RNGTT: variants seen among roughly 807,000 people sequenced by gnomAD.
RNGTT encodes the protein RNA guanylyltransferase and 5'-phosphatase.
RNGTT carries 33 observed loss-of-function variants against 79.3 expected under a neutral mutation model. The observed-to-expected ratio is 0.42, with a 90% CI of 0.32 to 0.56. The LOEUF (loss-of-function observed/expected upper bound fraction) is 0.56. RNGTT is among the 20% of genes least tolerant of loss of function. The pLI, the probability that RNGTT is intolerant of heterozygous loss-of-function variation, is 0.17. For synonymous variants in RNGTT, 222 were observed against 235.9 expected, an observed-to-expected ratio of 0.94 and a Z score of 0.54; for missense variants, 497 against 739.1, an observed-to-expected ratio of 0.67 and a Z score of 3.80.
intron 12 of RNGTT, among the ~76,000 whole-genome samples, chr6:88,770,402 C>CTTTAAAAATT (rs1350011646): frequency 1.3e-5 from 2 of 152,072 alleles, no homozygotes; most frequent in Non-Finnish European, 2.9e-5. Context: ...ATAAGAAATA[C>CTTTAAAAATT]TTTAAAAATA....
chr6:88,692,849 A>ATG (rs1435812691), intron 13 of RNGTT, among the ~76,000 whole-genome samples: 1 of 152,040 alleles, frequency 6.6e-6, no homozygotes, highest in Non-Finnish European at 1.5e-5. Flanking sequence ...ATATATATAT[A>ATG]TAAAAGAAAA....
rs527871447 is a variant in RNGTT, at chr6:88,610,336, C to T, written c.*2383G>A. The stretch of plus-strand genomic sequence containing the variant: ...CACAATTGGAAAAGGAATGTCCTGA[C>T]ATTTTCTGAGCATTTCACGGAAAGC... On this transcript the variant is annotated 3_prime_UTR_variant, in exon 16 of 16. Transcript: ENST00000369485. The T allele has an allele frequency of 6.5e-6, 1 of 152,788 alleles. No individual in the cohort carries two copies. The highest frequency in any genetic ancestry group is 1.9e-4 in the East Asian group (1 of 5,188). The allele number at this position is 152,788 out of a possible 1,614,324, so 9.5% of individuals were successfully genotyped here. A position where few individuals can be genotyped will look rare whatever the true frequency, so the allele number is the denominator to read the frequency against.
chr6:88,639,014 C>T (rs375531966), intron 14 of RNGTT, among the ~76,000 whole-genome samples: 1 of 152,012 alleles, frequency 6.6e-6, no homozygotes, highest in Non-Finnish European at 1.5e-5. Flanking sequence ...TTGACTGTTA[C>T]TCTGTTTTTT....
At chr6:88,701,696 T>C (rs2610736) in intron 13 of RNGTT, among the ~76,000 whole-genome samples, 13,051 of 152,132 alleles carry the variant, frequency 0.086, 1,915 homozygotes, top group African/African-American at 0.3. Context: ...TTAGGTCCCA[T>C]GATTATATTC....
At chr6:88,952,057 G>A (rs1165384725) in intron 1 of RNGTT, among the ~76,000 whole-genome samples, 1 of 152,092 alleles carries the variant, frequency 6.6e-6, no homozygotes, top group Non-Finnish European at 1.5e-5. Flanking sequence ...CTTACATTCA[G>A]GGGCAAGGTC....
chr6:88,887,777 C>T (rs1227225752), intron 8 of RNGTT, among the ~76,000 whole-genome samples: 1 of 151,992 alleles, frequency 6.6e-6, no homozygotes, highest in Non-Finnish European at 1.5e-5. Context: ...TATTATTTTG[C>T]CCAAAGCTTA....
chr6:88,800,073 G>A (rs887631440), intron 12 of RNGTT, among the ~76,000 whole-genome samples: 4 of 152,132 alleles, frequency 2.6e-5, no homozygotes, highest in Non-Finnish European at 5.9e-5. Flanking sequence ...GTTTGGCAAG[G>A]GGGGCTAGAA....
intron 12 of RNGTT, among the ~76,000 whole-genome samples, chr6:88,797,174 G>C (rs376944262): frequency 9.9e-5 from 15 of 152,036 alleles, no homozygotes; most frequent in Non-Finnish European, 1.8e-4. Context: ...AAACAGGGAG[G>C]CTTGATTTAT....
At chr6:88,802,361 T>C (rs971397996) in intron 11 of RNGTT, among the ~76,000 whole-genome samples, 1 of 152,206 alleles carries the variant, frequency 6.6e-6, no homozygotes, top group Admixed American at 6.5e-5. Flanking sequence ...GTTTTTTCAA[T>C]GCCATATCAA....
Position 88,835,978 on chromosome 6 carries a change from ACACACACACAC to A in RNGTT, c.1269+8368_1269+8378del, listed in dbSNP as rs1562277474. ...GCAAGACTCTGTCTCTATTAAAAAC[ACACACACACAC>A]ACACACACACACACACACACACACA... On this transcript the variant is annotated intron_variant, in intron 11 of 15. Coordinates refer to ENST00000369485, the MANE Select transcript of RNGTT (RefSeq NM_003800.5). 1.6e-4 allele frequency among the ~76,000 whole-genome samples: 9 copies of A among 57,730 alleles called. No homozygotes were observed. The South Asian group carries it at 3.9e-3, about 25-fold the overall frequency. The allele number at this position is 57,730 out of a possible 152,430, so 37.9% of individuals were successfully genotyped here.
In RNGTT at chr6:88,963,332, C is replaced by G; in HGVS notation, c.64+14G>C. On this transcript the variant is annotated intron_variant, in intron 1 of 15. Coordinates refer to ENST00000369485, the MANE Select transcript of RNGTT (RefSeq NM_003800.5). ...TGGAGTGTGGGGATTCGAACGCCCC[C>G]CAGTCCAGGTTACCTGCCACCGGCT... 1.2e-6 allele frequency: 2 copies of G among 1,612,144 alleles called. No homozygotes were observed. The highest frequency in any genetic ancestry group is 8.5e-7 in the Non-Finnish European group (1 of 1,179,082).
intron 11 of RNGTT, among the ~76,000 whole-genome samples, chr6:88,810,490 T>C (rs1780101414): frequency 6.6e-6 from 1 of 152,196 alleles, no homozygotes; most frequent in South Asian, 2.1e-4. Context: ...TCAGCAACGA[T>C]GATGGGCAGC....
At chr6:88,863,531 CG>C (rs1562291602) in intron 8 of RNGTT, among the ~76,000 whole-genome samples, 1 of 152,080 alleles carries the variant, frequency 6.6e-6, no homozygotes, top group African/African-American at 2.4e-5. Flanking sequence ...ATCAAAGTAC[CG>C]TGTGTGCTTA....
At chr6:88,938,411 T>G (rs1223625641) in intron 2 of RNGTT, among the ~76,000 whole-genome samples, 1 of 152,228 alleles carries the variant, frequency 6.6e-6, no homozygotes, top group Non-Finnish European at 1.5e-5. Context: ...ACTTTCAGTC[T>G]ATGTGTGTCT....
intron 13 of RNGTT, among the ~76,000 whole-genome samples, chr6:88,764,552 T>A (rs932403527): frequency 6.6e-6 from 1 of 152,236 alleles, no homozygotes; most frequent in African/African-American, 2.4e-5. Context: ...AGACATTGAA[T>A]ATTTCCAGTT....
chr6:88,919,287 T>C (rs937328365), intron 4 of RNGTT, among the ~76,000 whole-genome samples: 1 of 152,224 alleles, frequency 6.6e-6, no homozygotes, highest in Non-Finnish European at 1.5e-5. Context: ...CAATTAACTA[T>C]TTCAAGGCAA....
chr6:88,961,469 C>T (rs934430022), intron 1 of RNGTT, among the ~76,000 whole-genome samples: 2 of 151,156 alleles, frequency 1.3e-5, no homozygotes, highest in Non-Finnish European at 2.9e-5. Flanking sequence ...TGGAGTCTCA[C>T]TCTGTCACCC....
chr6:88,665,525 T>C lies in RNGTT; in HGVS notation c.1506+12828A>G, dbSNP rs867231795. Among the ~76,000 whole-genome samples the C allele has an allele frequency of 7.9e-5, 12 of 152,344 alleles. No homozygotes were observed. The South Asian group carries it at 1.2e-3, about 16-fold the overall frequency. On this transcript the variant is annotated intron_variant, in intron 14 of 15. Coordinates refer to ENST00000369485, the MANE Select transcript of RNGTT (RefSeq NM_003800.5). ...CAGTGACTTTCCATCCAACAGTACC[T>C]AACCCGTACACATTGTTGGGGTTAT...
intron 13 of RNGTT, among the ~76,000 whole-genome samples, chr6:88,766,660 A>G (rs528067183): frequency 3.2e-4 from 49 of 152,216 alleles, no homozygotes; most frequent in South Asian, 3.1e-3. Context: ...TTAAATTTCA[A>G]TCTAACAGAA....
Sources: allele counts gnomAD v4.1 joint callset (sites outside exome capture counted in the v4.1 genomes callset), GRCh38; gene constraint gnomAD v4.1.1; transcripts MANE v1.5; gene names NCBI Gene and HGNC (gene_info 2026-07-23, HGNC 2026-07-21).